DDHD2: variants seen among roughly 807,000 people sequenced by gnomAD.
The protein encoded by DDHD2 is triacylglycerol hydrolase DDHD2.
DDHD2 carries 62 observed loss-of-function variants against 91.2 expected under a neutral mutation model. The observed-to-expected ratio is 0.68, with a 90% CI of 0.55 to 0.84. The LOEUF (loss-of-function observed/expected upper bound fraction) is 0.84. Ranked by LOEUF, DDHD2 falls within the 40% of genes least tolerant of loss-of-function variation. DDHD2 has a pLI of 0.00. For missense variants in DDHD2, 740 were observed against 846.9 expected, an observed-to-expected ratio of 0.87 and a Z score of 1.57; for synonymous variants, 271 against 293.9, an observed-to-expected ratio of 0.92 and a Z score of 0.80.
downstream of DDHD2, chr8:38,266,532 C>G: frequency 2.2e-6 from 1 of 462,726 alleles, no homozygotes; most frequent in Middle Eastern, 6.1e-4. Context: ...TCCCGAGTAG[C>G]TGGGACTCCA....
chr8:38,240,323 G>T lies in DDHD2; in HGVS notation c.671G>T (p.Gly224Val). 6.2e-7 allele frequency: 1 copy of T among 1,610,764 alleles called. No homozygotes were observed. The highest frequency in any genetic ancestry group is 1.1e-5 in the South Asian group (1 of 90,708). ...DHLVFVVHGI[G>V]PACDLRFRSI... The stretch of plus-strand genomic sequence containing the variant: ...TTGGTTTTTGTAGTCCATGGGATTG[G>T]ACCAGCTTGTGATCTCCGCTTTCGA... The change falls in exon 6 of 18, where the codon GGA (glycine) becomes GTA (valine). Residue 224 changes from glycine (G) to valine (V), a missense_variant. By Grantham distance (109) the Gly-to-Val change is moderately radical (BLOSUM62 -3). This residue lies in a region of DDHD2 where 693 missense variants were observed against 764.2 expected (regional missense o/e 0.91). Transcript: ENST00000397166.
chr8:38,238,627 A>C, intron 5 of DDHD2: 5 of 982,574 alleles, frequency 5.1e-6, no homozygotes, highest in Non-Finnish European at 6.0e-6. Context: ...TGGTTTTATA[A>C]TATATTTAAT....
rs1400881058 is a variant in DDHD2 at position 38,261,228 on chromosome 8, G to C, written c.*655G>C. 6.6e-6 allele frequency: 1 copy of C among 152,164 alleles called. No individual in the cohort carries two copies. The highest frequency in any genetic ancestry group is 6.5e-5 in the Admixed American group (1 of 15,282). 9.4% of individuals were successfully genotyped at this position (152,164 alleles called of 1,614,324 possible). On this transcript the variant is annotated 3_prime_UTR_variant, in exon 18 of 18. Transcript: ENST00000397166. ...GAAATCACTGATGTTCATTGTTTTT[G>C]CAACTGTTTGAGCTGCTGTAAGAGT...
chr8:38,238,237 C>T, intron 5 of DDHD2, 28 bp downstream of exon 5: 1 of 1,611,910 alleles, frequency 6.2e-7, no homozygotes, highest in Non-Finnish European at 8.5e-7. Flanking sequence ...TTTTTTCTTA[C>T]CTTTGGATGT....
At chr8:38,267,828 C>T (rs965666495), downstream of DDHD2, 4 of 1,455,816 alleles carry the variant, frequency 2.7e-6, no homozygotes, top group African/African-American at 1.4e-5. Flanking sequence ...TGGTGGACAC[C>T]ATTAACCTCT....
At chr8:38,251,768 G>T in intron 11 of DDHD2, 144 bp from the exon 12 acceptor site, 1 of 582,102 alleles carries the variant, frequency 1.7e-6, no homozygotes, top group Non-Finnish European at 3.0e-6. Context: ...TTTTTAAATA[G>T]AGACTATGTT....
At chr8:38,235,906 C>G (rs1320413565) in intron 3 of DDHD2, among the ~76,000 whole-genome samples, 2 of 143,644 alleles carry the variant, frequency 1.4e-5, no homozygotes, top group Admixed American at 7.0e-5. Context: ...CACACAAATA[C>G]AAATGCAAAC....
chr8:38,264,698 T>G, downstream of DDHD2: 1 of 1,437,278 alleles, frequency 7.0e-7, no homozygotes, highest in South Asian at 1.5e-5. Context: ...TCCAGGATAC[T>G]CTACTGTGGG....
At chr8:38,264,596 C>G (rs754902310), downstream of DDHD2, 3 of 1,593,286 alleles carry the variant, frequency 1.9e-6, no homozygotes, top group Non-Finnish European at 2.6e-6. Flanking sequence ...ATGGATCCAA[C>G]TAGTACATCT....
At chr8:38,253,740 CTGTT>C in intron 16 of DDHD2, 22 bp downstream of exon 16, 1 of 1,608,940 alleles carries the variant, frequency 6.2e-7, no homozygotes, top group Non-Finnish European at 8.5e-7. Flanking sequence ...TTATTTTTGT[CTGTT>C]TTGTTTGTTT....
At chr8:38,248,370 GTT>G (rs371675401) in intron 10 of DDHD2, among the ~76,000 whole-genome samples, 5 of 107,110 alleles carry the variant, frequency 4.7e-5, no homozygotes, top group Non-Finnish European at 6.1e-5. Flanking sequence ...CAGCTGATTT[GTT>G]TTTTTTTTTT....
At chr8:38,257,815 C>T (rs888457137) in intron 16 of DDHD2, among the ~76,000 whole-genome samples, 2 of 151,502 alleles carry the variant, frequency 1.3e-5, no homozygotes, top group Non-Finnish European at 2.9e-5. Context: ...CAGGTGTGCA[C>T]CACCATACCT....
intron 1 of DDHD2, chr8:38,269,280 C>G (rs1808325824): frequency 3.1e-6 from 4 of 1,303,690 alleles, no homozygotes; most frequent in Non-Finnish European, 3.9e-6. Flanking sequence ...GGCACCGCCC[C>G]CTCTCCCAGT....
chr8:38,241,201 T>C (rs1805227848), intron 6 of DDHD2, among the ~76,000 whole-genome samples: 1 of 152,150 alleles, frequency 6.6e-6, no homozygotes, highest in African/African-American at 2.4e-5. Flanking sequence ...AGGTTGAGAC[T>C]GATGTGATAT....
chr8:38,255,194 C>CA (rs34259167), intron 16 of DDHD2: 28,149 of 117,246 alleles, frequency 0.24, 2,411 homozygotes, highest in Admixed American at 0.35. Flanking sequence ...GACTCCATCT[C>CA]AAAAAAAAAA....
Position 38,234,596 on chromosome 8 carries a change from A to G in DDHD2, c.411+12A>G. The G allele has an allele frequency of 6.4e-7, 1 of 1,564,278 alleles. No homozygotes were observed. Among genetic ancestry groups the G allele is most frequent in the South Asian group, 1.2e-5 (1 of 82,560 alleles). The stretch of plus-strand genomic sequence containing the variant: ...GCCAAGTTTTAGAGGTATTCTTTTG[A>G]CTCTTTTTTTACTTATTCTTTCTTT... On this transcript the variant is annotated intron_variant, in intron 3 of 17. Coordinates refer to ENST00000397166, the MANE Select transcript of DDHD2 (RefSeq NM_015214.3).
At chr8:38,269,386 C>CT in intron 1 of DDHD2, 1 of 598,038 alleles carries the variant, frequency 1.7e-6, no homozygotes, top group East Asian at 3.5e-5. Context: ...GAGCTGCCCT[C>CT]TGGTGCGTTC....
chr8:38,233,244 A>T (rs953333037), intron 2 of DDHD2, 30 bp downstream of exon 2: 2 of 1,540,708 alleles, frequency 1.3e-6, no homozygotes, highest in African/African-American at 1.4e-5. Flanking sequence ...TGGAATAGAC[A>T]AAGACTCTCC....
chr8:38,248,355 CCAG>C (rs978783176), intron 10 of DDHD2, among the ~76,000 whole-genome samples: 2 of 151,774 alleles, frequency 1.3e-5, no homozygotes, highest in Non-Finnish European at 2.9e-5. Flanking sequence ...GCCACCGTGC[CCAG>C]CCAGCTGATT....
Sources: allele counts gnomAD v4.1 joint callset (sites outside exome capture counted in the v4.1 genomes callset), GRCh38; gene constraint gnomAD v4.1.1; regional missense constraint gnomAD v4.1.1; transcripts MANE v1.5; gene names NCBI Gene and HGNC (gene_info 2026-07-23, HGNC 2026-07-21).